Variants in CAPS2 observed in about 807,000 individuals in gnomAD.
CAPS2 encodes calcyphosin-2.
In CAPS2, 98 loss-of-function variants were observed where a neutral mutation model predicts 86.5. That is an observed-to-expected ratio of 1.13 (90% CI 0.96 to 1.34). CAPS2 has a LOEUF of 1.34. Among genes scored for constraint, CAPS2 ranks in the 40% most tolerant of loss-of-function variants. CAPS2 has a pLI of 0.00. For missense variants in CAPS2, 729 were observed against 686.8 expected (o/e 1.06, Z -0.69); for synonymous variants, 210 against 225.1 (o/e 0.93, Z 0.60).
chr12:75,319,310 G>A lies in CAPS2; in HGVS notation c.468+2090C>T, dbSNP rs557429512. Among the ~76,000 whole-genome samples, 7 of 152,224 alleles carry A rather than the reference G, an allele frequency of 4.6e-5. No individual in the cohort carries two copies. In the South Asian group the frequency reaches 1.5e-3, roughly 32 times the overall value. On this transcript the variant is annotated intron_variant, in intron 5 of 16. Transcript: ENST00000393284. ...TGGGTCATGGAGGTCGATCTCTCGT[G>A]AATAGATCAGTGTTGTCCCCTTGGA...
At chr12:75,292,333 T>C (rs1297726849) in intron 12 of CAPS2, among the ~76,000 whole-genome samples, 1 of 152,096 alleles carries the variant, frequency 6.6e-6, no homozygotes, top group East Asian at 1.9e-4. Flanking sequence ...CCCAAAGTGC[T>C]GGGATTACAG....
intron 1 of CAPS2, among the ~76,000 whole-genome samples, chr12:75,381,314 C>T (rs547896810): frequency 7.9e-5 from 12 of 152,260 alleles, no homozygotes; most frequent in Admixed American, 5.9e-4. Flanking sequence ...CATGCGGAAC[C>T]GTACTAAGTC....
intron 1 of CAPS2, among the ~76,000 whole-genome samples, chr12:75,384,413 G>A (rs1157969937): frequency 6.6e-6 from 1 of 152,050 alleles, no homozygotes; most frequent in African/African-American, 2.4e-5. Flanking sequence ...AGATGAACGG[G>A]CCACTTCCTT....
At chr12:75,370,333 T>C (rs897816619) in intron 1 of CAPS2, 5 of 529,760 alleles carry the variant, frequency 9.4e-6, no homozygotes, top group Admixed American at 6.4e-5. Flanking sequence ...AAATGTACTG[T>C]AGTATGGAAA....
intron 7 of CAPS2, chr12:75,305,622 C>T (rs550872168): frequency 6.9e-5 from 43 of 621,382 alleles, no homozygotes; most frequent in South Asian, 5.6e-4. Flanking sequence ...GACCGGAAGG[C>T]TCAGCAGCAG....
Position 75,346,395 on chromosome 12 carries a change from C to CT in CAPS2, c.-394-23174dup, listed in dbSNP as rs963733264. 3.8e-3 allele frequency among the ~76,000 whole-genome samples: 552 copies of CT among 145,904 alleles called. 3 individuals are homozygous for CT. The highest frequency in any genetic ancestry group is 0.03 in the South Asian group (138 of 4,622). ...CACAAAGATGGCTGAAAGCAAAACT[C>CT]TTTTTTTTTTTTTGAGACGGAGTCT... On this transcript the variant is annotated intron_variant, in intron 1 of 5. Transcript: ENST00000551829.
chr12:75,384,711 T>C (rs1462671435), intron 1 of CAPS2, among the ~76,000 whole-genome samples: 1 of 152,156 alleles, frequency 6.6e-6, no homozygotes, highest in African/African-American at 2.4e-5. Flanking sequence ...AAAAAAATAC[T>C]ACAGACCAAC....
At chr12:75,357,279 T>C (rs1452813095) in intron 1 of CAPS2, among the ~76,000 whole-genome samples, 1 of 152,204 alleles carries the variant, frequency 6.6e-6, no homozygotes, top group Non-Finnish European at 1.5e-5. Context: ...TAAATTTCAC[T>C]TCACAATGAT....
chr12:75,293,124 CTTG>C (rs2036288615), intron 12 of CAPS2, 122 bp downstream of exon 12: 1 of 630,808 alleles, frequency 1.6e-6, no homozygotes, highest in South Asian at 2.0e-5. Context: ...CGTAGCTATG[CTTG>C]TTTTTTCAAA....
chr12:75,278,279 G>C (rs938666562), exon 17 of CAPS2: 4 of 980,346 alleles, frequency 4.1e-6, no homozygotes, highest in African/African-American at 1.8e-5. Context: ...AGACAAGTCA[G>C]TATTTAAATG....
chr12:75,346,392 ACT>A (rs1215880383), intron 1 of CAPS2, among the ~76,000 whole-genome samples: 1 of 151,438 alleles, frequency 6.6e-6, no homozygotes, highest in Non-Finnish European at 1.5e-5. Context: ...TGAAAGCAAA[ACT>A]CTTTTTTTTT....
intron 1 of CAPS2, among the ~76,000 whole-genome samples, chr12:75,361,911 A>G (rs2043622557): frequency 6.6e-6 from 1 of 152,174 alleles, no homozygotes; most frequent in Admixed American, 6.5e-5. Flanking sequence ...CTAAATGTAA[A>G]ACCTACAACT....
chr12:75,338,475 T>C (rs1193079893), intron 1 of CAPS2, among the ~76,000 whole-genome samples: 1 of 152,190 alleles, frequency 6.6e-6, no homozygotes, highest in Non-Finnish European at 1.5e-5. Flanking sequence ...ATGAAAACCA[T>C]TTGGTAAAAC....
At chr12:75,359,912 C>G (rs1042565892) in intron 1 of CAPS2, 1 of 152,096 alleles carries the variant, frequency 6.6e-6, no homozygotes, top group Non-Finnish European at 1.5e-5. Flanking sequence ...GTTTAATTGA[C>G]TACAGTTCCA....
intron 1 of CAPS2, among the ~76,000 whole-genome samples, chr12:75,341,000 C>T (rs1438811335): frequency 6.6e-6 from 1 of 151,636 alleles, no homozygotes; most frequent in Non-Finnish European, 1.5e-5. Flanking sequence ...ATGGTATAGC[C>T]ACTCTAGGAA....
chr12:75,278,573 C>T, exon 17 of CAPS2: 1 of 1,018,156 alleles, frequency 9.8e-7, no homozygotes, highest in Non-Finnish European at 1.2e-6. Context: ...AACTTTCCTA[C>T]TGAAGTTAAT....
intron 7 of CAPS2, 138 bp downstream of exon 7, chr12:75,312,710 G>A (rs1363144535): frequency 5.6e-6 from 3 of 531,352 alleles, no homozygotes; most frequent in Non-Finnish European, 6.7e-6. Context: ...AAACACTAAC[G>A]GTGCAGTAAA....
intron 7 of CAPS2, among the ~76,000 whole-genome samples, chr12:75,309,145 C>G (rs1319626308): frequency 6.6e-6 from 1 of 152,064 alleles, no homozygotes; most frequent in African/African-American, 2.4e-5. Context: ...AACTAAGCAG[C>G]ATCTATCAAT....
At chr12:75,289,625 T>C in exon 14 of CAPS2, 1 of 1,609,896 alleles carries the variant, frequency 6.2e-7, no homozygotes, top group Non-Finnish European at 8.5e-7. Context: ...ACATACCTTT[T>C]CAGACACTTC....
Sources: allele counts gnomAD v4.1 joint callset (sites outside exome capture counted in the v4.1 genomes callset), GRCh38; gene constraint gnomAD v4.1.1; transcripts MANE v1.5; gene names NCBI Gene and HGNC (gene_info 2026-07-23, HGNC 2026-07-21).